NAV2: variants seen among roughly 807,000 people sequenced by gnomAD.
NAV2 encodes neuron navigator 2.
A neutral mutation model predicts 223.2 loss-of-function variants in NAV2; 54 were observed. The observed-to-expected ratio is 0.24, with a 90% confidence interval of 0.19 to 0.30. The LOEUF (loss-of-function observed/expected upper bound fraction) is 0.30, where lower values mean the gene tolerates loss of function less well. Among genes scored for constraint, NAV2 ranks in the 10% least tolerant of loss-of-function variants. The pLI is 1.00. For missense variants in NAV2, 2,806 were observed against 3,147.5 expected (o/e 0.89, Z 2.60); for synonymous variants, 1,279 against 1,239.3 (o/e 1.03, Z -0.67).
At chr11:19,883,160 T>C (rs2063326067) in intron 5 of NAV2, among the ~76,000 whole-genome samples, 1 of 152,212 alleles carries the variant, frequency 6.6e-6, no homozygotes, top group Non-Finnish European at 1.5e-5. Context: ...TAAAAACTAT[T>C]TTGAAGCTAT....
intron 1 of NAV2, among the ~76,000 whole-genome samples, chr11:19,832,154 A>G (rs576213954): frequency 5.9e-5 from 9 of 152,178 alleles, no homozygotes; most frequent in Non-Finnish European, 1.0e-4. Context: ...TTGCATCTAG[A>G]GTCGCAGCCT....
At chr11:20,011,701 G>A (rs1333332516) in intron 11 of NAV2, among the ~76,000 whole-genome samples, 1 of 152,180 alleles carries the variant, frequency 6.6e-6, no homozygotes, top group African/African-American at 2.4e-5. Context: ...AATGAGAGAT[G>A]TTTTATAATC....
At chr11:19,989,761 G>A (rs956623017) in intron 11 of NAV2, among the ~76,000 whole-genome samples, 2 of 152,072 alleles carry the variant, frequency 1.3e-5, no homozygotes, top group Non-Finnish European at 2.9e-5. Flanking sequence ...TGAAGCAGTG[G>A]TGCTCAGAGA....
chr11:19,378,445 G>A (rs1388973612), intron 1 of NAV2, among the ~76,000 whole-genome samples: 1 of 152,182 alleles, frequency 6.6e-6, no homozygotes, highest in Non-Finnish European at 1.5e-5. Context: ...CTTGGCAGAC[G>A]TGGGGAGGTG....
At chr11:19,854,206 G>GT (rs1159797347) in intron 3 of NAV2, among the ~76,000 whole-genome samples, 9 of 152,184 alleles carry the variant, frequency 5.9e-5, no homozygotes, top group African/African-American at 1.4e-4. Flanking sequence ...TCAAAGAGGT[G>GT]TTTTTTTGTA....
At chr11:19,711,999 ATC>A (rs2049903032), upstream of NAV2, 1 of 152,260 alleles carries the variant, frequency 6.6e-6, no homozygotes, top group Non-Finnish European at 1.5e-5. Context: ...CTGCCTGATC[ATC>A]TCTCAGTTTC....
At chr11:20,048,520 A>G (rs1191783925) in intron 14 of NAV2, among the ~76,000 whole-genome samples, 1 of 152,176 alleles carries the variant, frequency 6.6e-6, no homozygotes. Flanking sequence ...GCAGCTTAGA[A>G]TTTGAAGACG....
intron 1 of NAV2, among the ~76,000 whole-genome samples, chr11:19,456,783 T>C (rs1331801706): frequency 6.6e-6 from 1 of 152,234 alleles, no homozygotes; most frequent in African/African-American, 2.4e-5. Flanking sequence ...CCATTCTCGC[T>C]CTCCCTTTGG....
At chr11:19,743,957 G>A (rs1381424057) in intron 1 of NAV2, among the ~76,000 whole-genome samples, 2 of 152,196 alleles carry the variant, frequency 1.3e-5, no homozygotes, top group African/African-American at 4.8e-5. Context: ...GTCCTATTTG[G>A]GTTGTAGTAT....
chr11:19,384,559 G>C (rs1848962089), intron 1 of NAV2: 1 of 152,146 alleles, frequency 6.6e-6, no homozygotes, highest in African/African-American at 2.4e-5. Flanking sequence ...TATTATGGGT[G>C]TTATTTGCAT....
chr11:19,728,298 A>T (rs997162109), intron 1 of NAV2, among the ~76,000 whole-genome samples: 1 of 152,162 alleles, frequency 6.6e-6, no homozygotes, highest in African/African-American at 2.4e-5. Context: ...CTCTGGGCGC[A>T]TATTCAGTGG....
chr11:19,449,149 A>G (rs561659378), intron 1 of NAV2, among the ~76,000 whole-genome samples: 9 of 152,286 alleles, frequency 5.9e-5, no homozygotes, highest in African/African-American at 2.2e-4. Context: ...TTAAGCCATC[A>G]TGAACCTGGC....
rs116810427 is a variant in NAV2, at chr11:20,016,396, G to C, written c.2769-19563G>C. Among the ~76,000 whole-genome samples the C allele has an allele frequency of 4.9e-3, 745 of 152,338 alleles. 7 individuals carry two copies. The highest frequency in any genetic ancestry group is 0.017 in the African/African-American group (712 of 41,570). ...AAGCATGGATAACAGATTGGATACTGTTCCTGCTGAATGAAATCTTTTGTT... is the reference window on the plus strand; with the variant it reads ...AAGCATGGATAACAGATTGGATACTCTTCCTGCTGAATGAAATCTTTTGTT... On this transcript the variant is annotated intron_variant, in intron 11 of 37. Transcript: ENST00000349880.
At chr11:19,921,504 C>T (rs2044268890) in intron 6 of NAV2, among the ~76,000 whole-genome samples, 2 of 152,192 alleles carry the variant, frequency 1.3e-5, no homozygotes, top group Admixed American at 6.5e-5. Context: ...GAAACATTGT[C>T]TTTGTCTTCA....
At chr11:19,377,668 C>A (rs1190947731) in intron 1 of NAV2, among the ~76,000 whole-genome samples, 3 of 114,440 alleles carry the variant, frequency 2.6e-5, no homozygotes, top group Non-Finnish European at 5.8e-5. Flanking sequence ...AAGGAGATTT[C>A]CAACCTGAAT....
upstream of NAV2, chr11:19,350,686 G>A (rs1270801853): frequency 6.1e-6 from 3 of 489,400 alleles, no homozygotes; most frequent in African/African-American, 3.9e-5. Context: ...CTCTCATGAA[G>A]CGAGTCTCAG....
intron 1 of NAV2, among the ~76,000 whole-genome samples, chr11:19,389,261 T>C (rs981081673): frequency 3.9e-5 from 6 of 152,258 alleles, no homozygotes; most frequent in Admixed American, 6.5e-5. Context: ...AAATAGCTAC[T>C]ATGCACAAGA....
rs556489969 is a variant in NAV2, at chr11:19,615,389, T to A, written c.76-217095T>A. 2.7e-4 allele frequency among the ~76,000 whole-genome samples: 41 copies of A among 152,150 alleles called. 1 individual carries two copies. The South Asian group carries it at 6.2e-3, about 23-fold the overall frequency. On this transcript the variant is annotated intron_variant, in intron 1 of 37. Transcript: ENST00000360655. ...GGGATAATAATAGTATGTCCTCATA[T>A]GGTTGTTGTAAAAGCCAAGTAAGTT...
At chr11:19,700,835 C>T (rs1415847042) in intron 1 of NAV2, among the ~76,000 whole-genome samples, 3 of 152,340 alleles carry the variant, frequency 2.0e-5, no homozygotes, top group Admixed American at 6.5e-5. Context: ...GGAAGCTCCA[C>T]GAGAAAAGAA....
Sources: allele counts gnomAD v4.1 joint callset (sites outside exome capture counted in the v4.1 genomes callset), GRCh38; gene constraint gnomAD v4.1.1; transcripts MANE v1.5; gene names NCBI Gene and HGNC (gene_info 2026-07-23, HGNC 2026-07-21).